Variants in SACS observed in about 807,000 individuals in gnomAD.
SACS encodes the protein sacsin molecular chaperone, also known as sacsin.
Under a neutral mutation model 348.0 loss-of-function variants are expected in SACS, and 197 were observed. The observed-to-expected ratio is 0.57, with a 90% CI of 0.50 to 0.64. SACS has a LOEUF of 0.64. Ranked by LOEUF, SACS falls within the 30% of genes least tolerant of loss-of-function variation. SACS has a pLI of 0.00. For synonymous variants in SACS, 1,985 were observed against 1,910.6 expected, an observed-to-expected ratio of 1.04 and a Z score of -1.02; for missense variants, 4,999 against 5,360.8, an observed-to-expected ratio of 0.93 and a Z score of 2.11.
chr13:23,365,761 T>C (rs1032775210), intron 5 of SACS, among the ~76,000 whole-genome samples: 7 of 152,190 alleles, frequency 4.6e-5, no homozygotes, highest in East Asian at 3.8e-4. Flanking sequence ...TACCCTTCAA[T>C]TGGCTGCTTT....
chr13:23,329,371 AAC>A lies in SACS; in HGVS notation c.*763_*764del, dbSNP rs755434971. 2 of 730,426 alleles carry A rather than the reference AAC, an allele frequency of 2.7e-6. No individual in the cohort carries two copies. Among genetic ancestry groups the A allele is most frequent in the South Asian group, 1.5e-5 (1 of 64,880 alleles). 45.2% of individuals were successfully genotyped at this position (730,426 alleles called of 1,614,324 possible). ...CACACAAACATAAAGCAAGTGTTCTAACAGTTAATAAATGTTGTCTTGGCAAG... is the reference window on the plus strand; with the variant it reads ...CACACAAACATAAAGCAAGTGTTCTAAGTTAATAAATGTTGTCTTGGCAAG... On this transcript the variant is annotated 3_prime_UTR_variant, in exon 10 of 10. Transcript: ENST00000382292.
At chr13:23,386,671 T>G (rs766049789) in intron 2 of SACS, among the ~76,000 whole-genome samples, 2 of 152,252 alleles carry the variant, frequency 1.3e-5, no homozygotes, top group Non-Finnish European at 1.5e-5. Context: ...CTTGACTGTT[T>G]GTCACAAGAG....
Position 23,354,718 on chromosome 13 carries a change from G to A in SACS, c.1894C>T (p.Arg632Trp), listed in dbSNP as rs768855225. The A allele has an allele frequency of 6.8e-6, 11 of 1,613,422 alleles. No individual in the cohort carries two copies. The highest frequency in any genetic ancestry group is 2.2e-5 in the East Asian group (1 of 44,890). ...PVRKVTPAWV[R>W]QVLRKCAHLG... ...TGTGCACACTTCCGCAGCACCTGCC[G>A]CACCCACGCGGGCGTCACCTTCCTC... The change falls in exon 8 of 10, where the codon CGG becomes TGG. Residue 632 changes from arginine to tryptophan, a missense_variant. Arg to Trp is a moderately radical substitution (Grantham distance 101). Coordinates refer to ENST00000382292, the MANE Select transcript of SACS (RefSeq NM_014363.6).
Position 23,331,600 on chromosome 13 carries a change from GTC to G in SACS, c.12274_12275del (p.Asp4092GlnfsTer2). ...AVILLYIQHS[D>X]SKDINFLLAL... ...CTAACAGGAAATTAATGTCTTTACT[GTC>G]TGAATGTTGAATGTAGAGCAAGATG... On this transcript the variant is annotated frameshift_variant, in exon 10 of 10. Transcript: ENST00000382292. LOFTEE classifies it high-confidence loss of function. The G allele has an allele frequency of 6.2e-7, 1 of 1,613,954 alleles. No homozygotes were observed. The highest frequency in any genetic ancestry group is 8.5e-7 in the Non-Finnish European group (1 of 1,179,928).
intron 1 of SACS, among the ~76,000 whole-genome samples, chr13:23,413,787 A>G (rs943980633): frequency 6.6e-6 from 1 of 152,216 alleles, no homozygotes; most frequent in African/African-American, 2.4e-5. Context: ...TCTTTCATGA[A>G]TAATTCATGA....
intron 2 of SACS, among the ~76,000 whole-genome samples, chr13:23,383,637 C>T (rs1872158054): frequency 6.6e-6 from 1 of 152,106 alleles, no homozygotes; most frequent in African/African-American, 2.4e-5. Flanking sequence ...TTTGATGGCC[C>T]ACCCTTGATA....
chr13:23,400,612 C>T (rs1256344874), intron 2 of SACS, among the ~76,000 whole-genome samples: 2 of 151,960 alleles, frequency 1.3e-5, no homozygotes, highest in Admixed American at 6.6e-5. Context: ...AGTAGAGACA[C>T]GGTTTCACCG....
rs775778184 is a variant in SACS at position 23,331,276 on chromosome 13, T to C, written c.12600A>G (p.Thr4200=). ...GGDIYGSYQP[T]YTYAIIVQEV... is the part of the protein sequence containing the mutation. ...CTTGTACAATAATTGCATATGTGTA[T>C]GTTGGCTGGTATGATCCATAGATAT... Residue 4200 remains threonine (T), a synonymous_variant, in exon 10 of 10, where the codon ACA becomes ACG. Transcript: ENST00000382292. 3 of 1,614,076 alleles carry C rather than the reference T, an allele frequency of 1.9e-6. No individual in the cohort carries two copies. Among genetic ancestry groups the C allele is most frequent in the South Asian group, 2.2e-5 (2 of 91,084 alleles).
rs538612580 is a variant in SACS at position 23,418,547 on chromosome 13, C to T, written c.-501-6807G>A. 5.9e-5 allele frequency among the ~76,000 whole-genome samples: 9 copies of T among 152,248 alleles called. 1 individual carries two copies. The South Asian group carries it at 1.9e-3, about 32-fold the overall frequency. On this transcript the variant is annotated intron_variant, in intron 1 of 9. Transcript: ENST00000382292. ...CCTTACATGGAGTCTTGCTCTGTCT[C>T]TCCAGCTGGAGGGCAGTGGCTGATC... is the stretch of plus-strand genomic sequence containing the variant.
chr13:23,379,581 T>TGC (rs1871959551), intron 2 of SACS, among the ~76,000 whole-genome samples: 1 of 152,180 alleles, frequency 6.6e-6, no homozygotes. Flanking sequence ...CTCTCCTATG[T>TGC]GCCCTACTCT....
chr13:23,355,570 A>C lies in SACS; in HGVS notation c.1042T>G (p.Ser348Ala). The change falls in exon 8 of 10, where the codon TCT becomes GCT. Residue 348 changes from serine (S) to alanine (A), a missense_variant. Around this residue, in one of 6 missense-constraint regions of SACS, gnomAD observed 3,156 missense variants for 3,380.1 expected, o/e 0.93. Transcript: ENST00000382292. Reference protein sequence around the residue: ...SKALKHERPNSIKILGTAISN... With the variant: ...SKALKHERPNAIKILGTAISN... ...ATAGCAGTTCCCAGAATCTTTATAG[A>C]ATTCGGCCGCTCATGTTTCAGTGCC... 6.2e-7 allele frequency: 1 copy of C among 1,614,104 alleles called. No homozygotes were observed. Among genetic ancestry groups the C allele is most frequent in the South Asian group, 1.1e-5 (1 of 91,080 alleles).
intron 7 of SACS, among the ~76,000 whole-genome samples, chr13:23,357,390 G>A (rs1242031456): frequency 6.6e-6 from 1 of 152,056 alleles, no homozygotes; most frequent in Admixed American, 6.5e-5. Flanking sequence ...TTATTTAATA[G>A]AATATATATG....
intron 5 of SACS, 125 bp downstream of exon 5, chr13:23,368,277 A>G (rs1405036259): frequency 1.5e-6 from 1 of 670,238 alleles, no homozygotes; most frequent in African/African-American, 1.8e-5. Context: ...CCACAGAGGT[A>G]TAATACAGCT....
rs117564913 is a variant in SACS, at chr13:23,372,334, C to T, written c.172-1169G>A. Among the ~76,000 whole-genome samples, 864 of 152,260 alleles carry T rather than the reference C, an allele frequency of 5.7e-3. 4 individuals are homozygous for T. Among genetic ancestry groups the T allele is most frequent in the Middle Eastern group, 0.041 (12 of 294 alleles). On this transcript the variant is annotated intron_variant, in intron 3 of 9. Transcript: ENST00000382292. ...GCATAGAACAGTATCTGTAACACAG[C>T]GGCTCAATAAATGATAAGCATATTC...
At position 23,337,364 on chromosome 13, in the gene SACS, G is replaced by A; in HGVS notation, c.6512C>T (p.Ala2171Val). 1.2e-6 allele frequency: 2 copies of A among 1,613,818 alleles called. No individual in the cohort carries two copies. The highest frequency in any genetic ancestry group is 4.5e-5 in the East Asian group (2 of 44,866). The change falls in exon 10 of 10, where the codon GCT becomes GTT. Residue 2171 changes from alanine to valine, a missense_variant. Around this residue, in one of 6 missense-constraint regions of SACS, gnomAD observed 3,156 missense variants for 3,380.1 expected, o/e 0.93. Coordinates refer to ENST00000382292, the MANE Select transcript of SACS (RefSeq NM_014363.6). Reference sequence around the variant, plus strand: ...AACATGATCACTTTTATTAATTTCAGCTACTGACACTGCACGTTCTAGCAT... The same window carrying A: ...AACATGATCACTTTTATTAATTTCAACTACTGACACTGCACGTTCTAGCAT... The part of the protein sequence containing the change: ...DDMLERAVSV[A>V]EINKSDHVAA...
chr13:23,423,415 A>T (rs1177142538), intron 1 of SACS, among the ~76,000 whole-genome samples: 1 of 152,138 alleles, frequency 6.6e-6, no homozygotes, highest in African/African-American at 2.4e-5. Context: ...ATATACAACT[A>T]TCTATCACTA....
Position 23,340,624 on chromosome 13 carries a change from A to C in SACS, c.3252T>G (p.Leu1084=), listed in dbSNP as rs1407424584. The C allele has an allele frequency of 6.2e-7, 1 of 1,609,968 alleles. No individual in the cohort carries two copies. The highest frequency in any genetic ancestry group is 1.3e-5 in the African/African-American group (1 of 74,618). ...PPSVFTSPDI[L]HSLRQIGLKN... ...TTAAACCAATCTGTCTTAAGGAGTG[A>C]AGAATATCTGGTGAGGTAAAAACTG... Residue 1084 remains leucine (L), a synonymous_variant, in exon 10 of 10, where the codon CTT becomes CTG. Coordinates refer to ENST00000382292, the MANE Select transcript of SACS (RefSeq NM_014363.6).
intron 2 of SACS, among the ~76,000 whole-genome samples, chr13:23,381,922 T>C (rs1423960251): frequency 1.3e-5 from 2 of 152,206 alleles, no homozygotes; most frequent in Non-Finnish European, 2.9e-5. Flanking sequence ...AGAAACTCCA[T>C]CCACAAAATT....
chr13:23,345,110 C>T lies in SACS; in HGVS notation c.2186-3420G>A, dbSNP rs891977936. Among the ~76,000 whole-genome samples, 7 of 152,188 alleles carry T rather than the reference C, an allele frequency of 4.6e-5. 1 individual carries two copies. The East Asian group carries it at 9.6e-4, about 21-fold the overall frequency. On this transcript the variant is annotated intron_variant, in intron 9 of 9. Coordinates refer to ENST00000382292, the MANE Select transcript of SACS (RefSeq NM_014363.6). Reference sequence around the variant, plus strand: ...ATAACAATCCATCCAAAGCTGTAAGCACAGTGACAGTTTTTTATACTTTTC... The same window carrying T: ...ATAACAATCCATCCAAAGCTGTAAGTACAGTGACAGTTTTTTATACTTTTC...
Sources: gnomAD v4.1 joint callset for allele counts (sites outside exome capture counted in the v4.1 genomes callset) on GRCh38, gnomAD v4.1.1 for gene constraint, gnomAD v4.1.1 regional missense constraint, MANE v1.5 for transcripts, NCBI Gene and HGNC (gene_info 2026-07-23, HGNC 2026-07-21) for gene names.